GRIN2B: variants seen among roughly 807,000 people sequenced by gnomAD.
The protein encoded by GRIN2B is glutamate ionotropic receptor NMDA type subunit 2B, also known as glutamate receptor ionotropic, NMDA 2B.
A neutral mutation model predicts 114.5 loss-of-function variants in GRIN2B; 5 were observed. The ratio of observed to expected loss-of-function variants is 0.04; its 90% CI spans 0.02 to 0.09. The LOEUF is 0.09. Among genes scored for constraint, GRIN2B ranks in the 10% least tolerant of loss-of-function variants. GRIN2B has a pLI of 1.00. For synonymous variants in GRIN2B, 787 were observed against 745.1 expected (o/e 1.06, Z -0.92); for missense variants, 1,108 against 1,943.5 (o/e 0.57, Z 8.08).
chr12:13,855,207 G>T (rs1262914123), intron 3 of GRIN2B, among the ~76,000 whole-genome samples: 1 of 152,126 alleles, frequency 6.6e-6, no homozygotes, highest in Admixed American at 6.6e-5. Flanking sequence ...GACAGAATGA[G>T]ACCCTGTTGA....
intron 3 of GRIN2B, among the ~76,000 whole-genome samples, chr12:13,856,992 CTT>C (rs1394695775): frequency 2.0e-5 from 3 of 152,150 alleles, no homozygotes; most frequent in African/African-American, 7.2e-5. Flanking sequence ...TCTAATTACT[CTT>C]GTCATCATAA....
intron 2 of GRIN2B, among the ~76,000 whole-genome samples, chr12:13,884,364 A>G (rs1866119127): frequency 1.3e-5 from 2 of 152,166 alleles, no homozygotes; most frequent in South Asian, 2.1e-4. Flanking sequence ...TATAAAATTT[A>G]TACCTAAGAA....
At chr12:13,640,024 A>T (rs1347702767) in intron 5 of GRIN2B, among the ~76,000 whole-genome samples, 1 of 152,146 alleles carries the variant, frequency 6.6e-6, no homozygotes, top group Non-Finnish European at 1.5e-5. Context: ...CACTTATGGT[A>T]TCATTGGAAA....
intron 5 of GRIN2B, among the ~76,000 whole-genome samples, chr12:13,670,616 T>A (rs1431581738): frequency 6.6e-6 from 1 of 152,200 alleles, no homozygotes; most frequent in Non-Finnish European, 1.5e-5. Context: ...ACTGCATCTC[T>A]GTGCCAGACT....
rs1486652530 is a variant in GRIN2B at position 13,546,411 on chromosome 12, C to G, written c.*16372G>C. 6.6e-6 allele frequency: 1 copy of G among 152,270 alleles called. No homozygotes were observed. Among genetic ancestry groups the G allele is most frequent in the Non-Finnish European group, 1.5e-5 (1 of 68,060 alleles). 9.4% of individuals were successfully genotyped at this position (152,270 alleles called of 1,614,324 possible). A position where few individuals can be genotyped will look rare whatever the true frequency, so the allele number is the denominator to read the frequency against. On this transcript the variant is annotated 3_prime_UTR_variant, in exon 14 of 14. Coordinates refer to ENST00000609686, the MANE Select transcript of GRIN2B (RefSeq NM_000834.5). ...TGAGCCATCAATGGCAGCACAGCCT[C>G]TCCTTCTGCCAGAGCTCACAGGGAA... is the stretch of plus-strand genomic sequence containing the variant.
intron 4 of GRIN2B, among the ~76,000 whole-genome samples, chr12:13,685,053 A>G (rs1317014288): frequency 2.0e-5 from 3 of 152,150 alleles, no homozygotes; most frequent in Admixed American, 6.5e-5. Flanking sequence ...AGGCCTACTG[A>G]GCATATGTAC....
At chr12:13,864,025 G>GCACA in intron 3 of GRIN2B, among the ~76,000 whole-genome samples, 1 of 152,150 alleles carries the variant, frequency 6.6e-6, no homozygotes, top group Non-Finnish European at 1.5e-5. Flanking sequence ...TCTACCTGAA[G>GCACA]CACAACTCAA....
Position 13,563,343 on chromosome 12 carries a change from G to A in GRIN2B, c.3895C>T (p.Arg1299Cys), listed in dbSNP as rs45540034. ...KAQKKNRNKL[R>C]RQHSYDTFVD... The stretch of plus-strand genomic sequence containing the variant: ...AAGGTGTCGTAGGAGTGCTGCCGGC[G>A]CAGTTTGTTCCGGTTCTTCTTCTGG... The change falls in exon 14 of 14, where the codon CGC (arginine) becomes TGC (cysteine). Residue 1299 changes from arginine to cysteine, a missense_variant. Coordinates refer to ENST00000609686, the MANE Select transcript of GRIN2B (RefSeq NM_000834.5). 15 of 1,614,190 alleles carry A rather than the reference G, an allele frequency of 9.3e-6. No homozygotes were observed. Among genetic ancestry groups the A allele is most frequent in the East Asian group, 2.2e-5 (1 of 44,872 alleles).
chr12:13,961,487 A>T (rs1049074858), intron 2 of GRIN2B, among the ~76,000 whole-genome samples: 1 of 152,222 alleles, frequency 6.6e-6, no homozygotes, highest in Non-Finnish European at 1.5e-5. Flanking sequence ...AAGAATCCAT[A>T]AATCCAACAT....
At chr12:13,595,211 G>A (rs949623439) in intron 10 of GRIN2B, among the ~76,000 whole-genome samples, 1 of 152,156 alleles carries the variant, frequency 6.6e-6, no homozygotes, top group Non-Finnish European at 1.5e-5. Flanking sequence ...ATGGCTGAAT[G>A]GTACAGGTCT....
intron 4 of GRIN2B, among the ~76,000 whole-genome samples, chr12:13,719,049 CAAG>C (rs1261196751): frequency 6.6e-6 from 1 of 152,060 alleles, no homozygotes; most frequent in African/African-American, 2.4e-5. Flanking sequence ...CCTGTTGTCA[CAAG>C]AATTCTCCCC....
chr12:13,597,606 G>A lies in GRIN2B; in HGVS notation c.2010+10997C>T, dbSNP rs78202863. Among the ~76,000 whole-genome samples, 70 of 152,308 alleles carry A rather than the reference G, an allele frequency of 4.6e-4. 1 individual carries two copies. The East Asian group carries it at 0.012, about 27-fold the overall frequency. ...GTAGCCAATAGGAACCTCAAATGGGGTGCTTAAAACCCAGAAAACTTTGTA... is the reference window on the plus strand; with the variant it reads ...GTAGCCAATAGGAACCTCAAATGGGATGCTTAAAACCCAGAAAACTTTGTA... On this transcript the variant is annotated intron_variant, in intron 10 of 13. Coordinates refer to ENST00000609686, the MANE Select transcript of GRIN2B (RefSeq NM_000834.5).
chr12:13,904,212 C>A (rs1866502527), intron 2 of GRIN2B, among the ~76,000 whole-genome samples: 1 of 151,770 alleles, frequency 6.6e-6, no homozygotes, highest in African/African-American at 2.4e-5. Context: ...TCTGTTTCTT[C>A]TTCTTTCTCT....
At chr12:13,823,064 C>T (rs1215134364) in intron 3 of GRIN2B, among the ~76,000 whole-genome samples, 1 of 152,062 alleles carries the variant, frequency 6.6e-6, no homozygotes, top group African/African-American at 2.4e-5. Context: ...TATGCCAATA[C>T]CACATTGTCC....
In GRIN2B at chr12:13,563,152, G is replaced by A. The variant is rs1411303131; in HGVS notation, c.4086C>T (p.His1362=). The A allele has an allele frequency of 3.1e-5, 50 of 1,614,084 alleles. No individual in the cohort carries two copies. The highest frequency in any genetic ancestry group is 4.2e-5 in the Non-Finnish European group (49 of 1,180,052). ...NKSSVPTAGH[H]HHNNPGGGYM... Reference sequence around the variant, plus strand: ...ACCCGCCGCCGGGGTTGTTGTGGTGGTGATGTCCGGCAGTGGGCACTGAGG... The same window carrying A: ...ACCCGCCGCCGGGGTTGTTGTGGTGATGATGTCCGGCAGTGGGCACTGAGG... Residue 1362 remains histidine (H), a synonymous_variant, in exon 14 of 14, where the codon CAC becomes CAT. Transcript: ENST00000609686.
rs1044703680 is a variant in GRIN2B at position 13,539,252 on chromosome 12, A to G, written c.*23531T>C. On this transcript the variant is annotated 3_prime_UTR_variant, in exon 14 of 14. Coordinates refer to ENST00000609686, the MANE Select transcript of GRIN2B (RefSeq NM_000834.5). ...TGGCTTCTAGCCAGGGCTGCCATAC[A>G]TGAGCTCACCCAGGCTCCTTGGCCA... is the stretch of plus-strand genomic sequence containing the variant. 2 of 152,242 alleles carry G rather than the reference A, an allele frequency of 1.3e-5. No individual in the cohort carries two copies. The highest frequency in any genetic ancestry group is 2.9e-5 in the Non-Finnish European group (2 of 68,050). The allele number at this position is 152,242 out of a possible 1,614,324, so 9.4% of individuals were successfully genotyped here.
chr12:13,900,735 A>G (rs1391301304), intron 2 of GRIN2B, among the ~76,000 whole-genome samples: 2 of 152,092 alleles, frequency 1.3e-5, no homozygotes, highest in Non-Finnish European at 2.9e-5. Flanking sequence ...CAGTATGTTC[A>G]GTTGTTTGTT....
chr12:13,869,548 T>A (rs1865875207), intron 2 of GRIN2B, among the ~76,000 whole-genome samples: 2 of 152,172 alleles, frequency 1.3e-5, no homozygotes, highest in South Asian at 4.1e-4. Context: ...GTAAATTTCA[T>A]GCATTATTAG....
intron 5 of GRIN2B, among the ~76,000 whole-genome samples, chr12:13,642,189 AAAACAAACAAAC>A (rs35583863): frequency 8.7e-5 from 13 of 149,648 alleles, no homozygotes; most frequent in African/African-American, 2.5e-4. Flanking sequence ...ACTCTGTCTC[AAAACAAACAAAC>A]AAACAAACAA....
Sources: allele counts gnomAD v4.1 joint callset (sites outside exome capture counted in the v4.1 genomes callset), GRCh38; gene constraint gnomAD v4.1.1; transcripts MANE v1.5; gene names NCBI Gene and HGNC (gene_info 2026-07-23, HGNC 2026-07-21).